CDH13: variants seen among roughly 807,000 people sequenced by gnomAD.
The protein encoded by CDH13 is cadherin-13.
Under a neutral mutation model 63.8 loss-of-function variants are expected in CDH13, and 24 were observed. That is an observed-to-expected ratio of 0.38 (90% confidence interval 0.27 to 0.53). CDH13 has a LOEUF of 0.53. CDH13 is among the 20% of genes least tolerant of loss of function. CDH13 has a pLI of 0.85. For missense variants in CDH13, 1,049 were observed against 903.1 expected, an observed-to-expected ratio of 1.16 and a Z score of -2.07; for synonymous variants, 503 against 355.3, an observed-to-expected ratio of 1.42 and a Z score of -4.67.
chr16:83,521,332 C>G (rs571401731), intron 7 of CDH13, among the ~76,000 whole-genome samples: 2 of 151,098 alleles, frequency 1.3e-5, no homozygotes, highest in Non-Finnish European at 2.9e-5. Context: ...ACTCTTTGCT[C>G]TTTGAAATTT....
At chr16:83,645,491 A>C (rs1045408298) in intron 8 of CDH13, among the ~76,000 whole-genome samples, 1 of 152,254 alleles carries the variant, frequency 6.6e-6, no homozygotes, top group Non-Finnish European at 1.5e-5. Flanking sequence ...TAGAAGCCCA[A>C]TCTTCACCAA....
At position 83,033,900 on chromosome 16, in the gene CDH13, A is replaced by G. The variant is rs367804862; in HGVS notation, c.366+1682A>G. Among the ~76,000 whole-genome samples, 14 of 151,998 alleles carry G rather than the reference A, an allele frequency of 9.2e-5. No homozygotes were observed. In the East Asian group the frequency reaches 2.7e-3, roughly 30 times the overall value. On this transcript the variant is annotated intron_variant, in intron 3 of 13. Coordinates refer to ENST00000567109, the MANE Select transcript of CDH13 (RefSeq NM_001257.5). ...CTACCTGCGAGCTTGGTCTTCCTCG[A>G]TTTTTCACAGCCCCTAATTCACATC... is the stretch of plus-strand genomic sequence containing the variant.
chr16:83,460,722 A>G (rs1178787285), intron 6 of CDH13, among the ~76,000 whole-genome samples: 1 of 152,114 alleles, frequency 6.6e-6, no homozygotes, highest in Admixed American at 6.5e-5. Flanking sequence ...GCCTGAGTGC[A>G]GTGGCTTGCA....
intron 1 of CDH13, chr16:82,824,954 C>T (rs2038173844): frequency 6.6e-6 from 1 of 152,046 alleles, no homozygotes; most frequent in East Asian, 1.9e-4. Context: ...TTTACAGATA[C>T]CTTCTAAATA....
chr16:82,711,715 T>C (rs910632764), intron 1 of CDH13, among the ~76,000 whole-genome samples: 4 of 152,202 alleles, frequency 2.6e-5, no homozygotes, highest in Non-Finnish European at 5.9e-5. Flanking sequence ...CCATTATGTT[T>C]TGCTGCTGCT....
At chr16:83,605,900 G>T (rs1297870577) in intron 8 of CDH13, among the ~76,000 whole-genome samples, 1 of 152,154 alleles carries the variant, frequency 6.6e-6, no homozygotes, top group Admixed American at 6.5e-5. Context: ...AATTCTGCAG[G>T]AGAGGTGGCA....
chr16:83,564,211 A>T (rs1043792923), intron 7 of CDH13, among the ~76,000 whole-genome samples: 10 of 152,136 alleles, frequency 6.6e-5, no homozygotes, highest in Non-Finnish European at 1.3e-4. Flanking sequence ...ATCCCCAGAG[A>T]TGAAAATTGG....
At chr16:83,331,310 C>A (rs1185676550) in intron 5 of CDH13, among the ~76,000 whole-genome samples, 7 of 152,200 alleles carry the variant, frequency 4.6e-5, no homozygotes, top group African/African-American at 1.7e-4. Context: ...CTGTCAGGTG[C>A]ATTGAGACTC....
chr16:83,590,565 T>G (rs1906637950), intron 7 of CDH13, among the ~76,000 whole-genome samples: 2 of 152,122 alleles, frequency 1.3e-5, no homozygotes, highest in South Asian at 4.1e-4. Context: ...TGCTGTTTGG[T>G]GTCTTAGAGA....
Position 83,217,374 on chromosome 16 carries a change from C to G in CDH13, c.513C>G (p.Ser171=). Residue 171 remains serine, a synonymous_variant, in exon 5 of 14, where the codon TCC becomes TCG. Coordinates refer to ENST00000567109, the MANE Select transcript of CDH13 (RefSeq NM_001257.5). The part of the protein sequence containing the change: ...KVVDSDRPER[S]KFRLTGKGVD... ...TCGATAGTGACAGGCCAGAAAGGTC[C>G]AAGTTCCGGCTCACTGGAAAGGGAG... is the stretch of plus-strand genomic sequence containing the variant. The G allele has an allele frequency of 6.2e-7, 1 of 1,613,928 alleles. No homozygotes were observed. Among genetic ancestry groups the G allele is most frequent in the Non-Finnish European group, 8.5e-7 (1 of 1,179,860 alleles).
intron 2 of CDH13, among the ~76,000 whole-genome samples, chr16:83,031,012 G>C (rs1916257883): frequency 6.6e-6 from 1 of 151,728 alleles, no homozygotes; most frequent in Non-Finnish European, 1.5e-5. Context: ...GAAAGGAAAT[G>C]GATGGTGGAT....
At chr16:82,728,637 G>C (rs537052310) in intron 1 of CDH13, among the ~76,000 whole-genome samples, 1 of 152,258 alleles carries the variant, frequency 6.6e-6, no homozygotes, top group South Asian at 2.1e-4. Context: ...GTCTTGCCTT[G>C]ATGTGACATT....
At position 82,929,651 on chromosome 16, in the gene CDH13, CAAAAAAAAAAAAAAAAAAA is replaced by C. The variant is rs71146097; in HGVS notation, c.157+71192_157+71210del. On this transcript the variant is annotated intron_variant, in intron 2 of 13. Transcript: ENST00000567109. ...TGGGGGACAGAGTGAGACTCCATCT[CAAAAAAAAAAAAAAAAAAA>C]AAAAAAAAAAAAAGAAGACAGCCGT... is the stretch of plus-strand genomic sequence containing the variant. Among the ~76,000 whole-genome samples, 12 of 44,280 alleles carry C rather than the reference CAAAAAAAAAAAAAAAAAAA, an allele frequency of 2.7e-4. 1 individual carries two copies. Among genetic ancestry groups the C allele is most frequent in the African/African-American group, 2.9e-4 (2 of 6,958 alleles). 29.0% of individuals were successfully genotyped at this position (44,280 alleles called of 152,430 possible). A position where few individuals can be genotyped will look rare whatever the true frequency, so the allele number is the denominator to read the frequency against.
chr16:83,542,695 T>C (rs2075315935), intron 7 of CDH13, among the ~76,000 whole-genome samples: 1 of 152,216 alleles, frequency 6.6e-6, no homozygotes, highest in Non-Finnish European at 1.5e-5. Context: ...TTGGAGCTCT[T>C]TGGCTTGCAG....
At chr16:83,260,365 G>C (rs1445473416) in intron 5 of CDH13, among the ~76,000 whole-genome samples, 1 of 152,024 alleles carries the variant, frequency 6.6e-6, no homozygotes, top group African/African-American at 2.4e-5. Context: ...GGAATGAGTG[G>C]GGCTAGGTGT....
intron 1 of CDH13, among the ~76,000 whole-genome samples, chr16:82,853,707 T>G (rs286676): frequency 0.28 from 43,153 of 152,082 alleles, 6,268 homozygotes; most frequent in Middle Eastern, 0.33. Context: ...AATCATAGAA[T>G]TTGATTATTG....
chr16:83,228,872 C>A (rs1471259591), intron 5 of CDH13, among the ~76,000 whole-genome samples: 1 of 152,192 alleles, frequency 6.6e-6, no homozygotes, highest in South Asian at 2.1e-4. Flanking sequence ...ATCCGGTTGA[C>A]ATGCAGGGGA....
chr16:83,532,764 C>G (rs1444562553), intron 7 of CDH13, among the ~76,000 whole-genome samples: 2 of 152,208 alleles, frequency 1.3e-5, no homozygotes, highest in African/African-American at 2.4e-5. Context: ...TTGAGCGATC[C>G]TCTCCCTCTG....
At chr16:83,702,446 TC>T (rs1243308920) in intron 10 of CDH13, among the ~76,000 whole-genome samples, 1 of 152,050 alleles carries the variant, frequency 6.6e-6, no homozygotes, top group Non-Finnish European at 1.5e-5. Flanking sequence ...AGGTGTAGCC[TC>T]CAGGGTTGCT....
Sources: gnomAD v4.1 joint callset for allele counts (sites outside exome capture counted in the v4.1 genomes callset) on GRCh38, gnomAD v4.1.1 for gene constraint, MANE v1.5 for transcripts, NCBI Gene and HGNC (gene_info 2026-07-23, HGNC 2026-07-21) for gene names.